ANAPC10: variants seen among roughly 807,000 people sequenced by gnomAD.
ANAPC10 encodes the protein anaphase-promoting complex subunit 10.
A neutral mutation model predicts 22.0 loss-of-function variants in ANAPC10; 12 were observed. That is an observed-to-expected ratio of 0.55 (90% CI 0.35 to 0.88). The LOEUF is 0.88. Ranked by LOEUF, ANAPC10 falls within the 40% of genes least tolerant of loss-of-function variation. ANAPC10 has a pLI of 0.01. For missense variants in ANAPC10, 188 were observed against 220.9 expected (o/e 0.85, Z 0.94); for synonymous variants, 65 against 69.5 (o/e 0.94, Z 0.32).
intron 3 of ANAPC10, among the ~76,000 whole-genome samples, chr4:145,076,164 C>G (rs916375923): frequency 1.3e-5 from 2 of 152,212 alleles, no homozygotes; most frequent in Non-Finnish European, 2.9e-5. Context: ...CCACAGACTT[C>G]CCCTGACTGC....
intron 4 of ANAPC10, among the ~76,000 whole-genome samples, chr4:145,002,941 GTA>G (rs1732790449): frequency 6.6e-6 from 1 of 152,088 alleles, no homozygotes. Flanking sequence ...TGAGGATTTG[GTA>G]TAAAGATTAT....
chr4:145,009,431 T>C (rs1733947250), intron 4 of ANAPC10, among the ~76,000 whole-genome samples: 1 of 151,144 alleles, frequency 6.6e-6, no homozygotes, highest in Non-Finnish European at 1.5e-5. Context: ...CACTTCAAAA[T>C]ATACTAAAAC....
At chr4:145,043,871 T>C (rs563762243) in intron 4 of ANAPC10, among the ~76,000 whole-genome samples, 177 of 152,186 alleles carry the variant, frequency 1.2e-3, no homozygotes, top group African/African-American at 3.9e-3. Context: ...CAAACCCTTA[T>C]ACTAGAGTTC....
At chr4:145,072,915 G>A (rs902982612) in intron 3 of ANAPC10, among the ~76,000 whole-genome samples, 6 of 145,948 alleles carry the variant, frequency 4.1e-5, no homozygotes, top group Non-Finnish European at 9.0e-5. Context: ...TTTTTTTTTA[G>A]GAGACAGGGT....
intron 4 of ANAPC10, among the ~76,000 whole-genome samples, chr4:145,046,197 C>A (rs974307638): frequency 6.6e-6 from 1 of 152,014 alleles, no homozygotes; most frequent in Non-Finnish European, 1.5e-5. Context: ...GGATAGACAG[C>A]GCTTTCTTGA....
intron 4 of ANAPC10, among the ~76,000 whole-genome samples, chr4:145,031,051 G>A (rs1351709830): frequency 6.6e-6 from 1 of 152,146 alleles, no homozygotes; most frequent in Non-Finnish European, 1.5e-5. Flanking sequence ...CCATTGACTT[G>A]GCAAATGCCT....
intron 4 of ANAPC10, among the ~76,000 whole-genome samples, chr4:145,003,495 C>T (rs1046822939): frequency 6.6e-6 from 1 of 151,990 alleles, no homozygotes; most frequent in Admixed American, 6.6e-5. Context: ...ACATTCCCAA[C>T]AGCAGTATTA....
intron 4 of ANAPC10, among the ~76,000 whole-genome samples, chr4:145,014,710 T>C (rs1734842270): frequency 1.3e-5 from 2 of 152,130 alleles, no homozygotes; most frequent in South Asian, 4.1e-4. Context: ...TCCACTGGAA[T>C]AGGTGCTGGT....
chr4:145,084,555 C>T (rs1034574213), intron 2 of ANAPC10, among the ~76,000 whole-genome samples: 1 of 151,808 alleles, frequency 6.6e-6, no homozygotes, highest in African/African-American at 2.4e-5. Flanking sequence ...ATAAAATACA[C>T]TAACATTAAC....
chr4:145,027,595 AAGG>A (rs1238443159), intron 4 of ANAPC10, among the ~76,000 whole-genome samples: 1 of 152,192 alleles, frequency 6.6e-6, no homozygotes, highest in African/African-American at 2.4e-5. Flanking sequence ...TATCAAGGAT[AAGG>A]AGATTATAAA....
chr4:145,029,077 T>C (rs1167278614), intron 4 of ANAPC10, among the ~76,000 whole-genome samples: 3 of 152,046 alleles, frequency 2.0e-5, no homozygotes, highest in Admixed American at 6.6e-5. Flanking sequence ...AGTGAGGGCA[T>C]TGATTGGAAA....
intron 4 of ANAPC10, chr4:144,999,117 ATAAT>A (rs1732104534): frequency 6.6e-6 from 1 of 152,214 alleles, no homozygotes. Context: ...AATTGAGGCA[ATAAT>A]TAATAGCCTA....
chr4:145,016,448 C>A (rs1735153979), intron 4 of ANAPC10, among the ~76,000 whole-genome samples: 1 of 152,166 alleles, frequency 6.6e-6, no homozygotes, highest in Non-Finnish European at 1.5e-5. Flanking sequence ...GAACTACAAA[C>A]CACTGCTGAA....
chr4:145,089,046 C>T (rs889480726), intron 2 of ANAPC10, among the ~76,000 whole-genome samples: 2 of 152,180 alleles, frequency 1.3e-5, no homozygotes, highest in Admixed American at 6.5e-5. Context: ...ACATTCATGT[C>T]TCTGTGCAAA....
At chr4:145,007,566 C>T (rs985498288) in intron 4 of ANAPC10, among the ~76,000 whole-genome samples, 34 of 152,116 alleles carry the variant, frequency 2.2e-4, no homozygotes, top group African/African-American at 6.3e-4. Context: ...ACAACCTGCT[C>T]CTGAATGACT....
chr4:145,078,286 A>C (rs1745473054), intron 3 of ANAPC10, among the ~76,000 whole-genome samples: 1 of 152,168 alleles, frequency 6.6e-6, no homozygotes, highest in Non-Finnish European at 1.5e-5. Flanking sequence ...CCACAAAAAA[A>C]AAAATAAAAC....
At chr4:145,054,717 T>A (rs1337968889) in intron 4 of ANAPC10, among the ~76,000 whole-genome samples, 3 of 150,412 alleles carry the variant, frequency 2.0e-5, no homozygotes. Context: ...TGCATGTGTG[T>A]GTGTGCATGT....
rs532621454 is a variant in ANAPC10, at chr4:145,080,799, C to T, written c.206+861G>A. Among the ~76,000 whole-genome samples the T allele has an allele frequency of 1.6e-3, 233 of 150,016 alleles. 1 individual carries two copies. The Middle Eastern group carries it at 0.022, about 14-fold the overall frequency. ...GCGCATGCCTGTAATCCCAGTTACT[C>T]GGAAGGCTGAGGCAGGAGAATCGCT... On this transcript the variant is annotated intron_variant, in intron 3 of 4. Transcript: ENST00000507656.
At chr4:145,081,549 AAAGTT>A (rs1746016019) in intron 3 of ANAPC10, 106 bp downstream of exon 3, 1 of 665,108 alleles carries the variant, frequency 1.5e-6, no homozygotes, top group Non-Finnish European at 2.5e-6. Flanking sequence ...CAGAGTTTAA[AAAGTT>A]AAGTGTATTT....
Sources: allele counts gnomAD v4.1 joint callset (sites outside exome capture counted in the v4.1 genomes callset), GRCh38; gene constraint gnomAD v4.1.1; transcripts MANE v1.5; gene names NCBI Gene and HGNC (gene_info 2026-07-23, HGNC 2026-07-21).